Variants in AP1G1 observed in about 807,000 individuals in gnomAD.
AP1G1 encodes the protein AP-1 complex subunit gamma-1.
In AP1G1, 7 loss-of-function variants were observed where a neutral mutation model predicts 108.3. The observed-to-expected ratio is 0.06, with a 90% CI of 0.04 to 0.12. The LOEUF (loss-of-function observed/expected upper bound fraction) is 0.12, where lower values mean the gene tolerates loss of function less well. AP1G1 is among the 10% of genes least tolerant of loss of function. The pLI, the probability that AP1G1 is intolerant of heterozygous loss-of-function variation, is 1.00. For missense variants in AP1G1, 756 were observed against 1,010.7 expected (o/e 0.75, Z 3.42); for synonymous variants, 379 against 353.5 (o/e 1.07, Z -0.81).
intron 15 of AP1G1, among the ~76,000 whole-genome samples, chr16:71,749,020 C>T (rs960003676): frequency 5.9e-5 from 9 of 152,098 alleles, no homozygotes; most frequent in African/African-American, 9.7e-5. Flanking sequence ...CATTCTCCTG[C>T]CTCAGCCTCC....
intron 22 of AP1G1, among the ~76,000 whole-genome samples, chr16:71,734,063 G>A (rs2045503623): frequency 6.6e-6 from 1 of 152,206 alleles, no homozygotes; most frequent in Non-Finnish European, 1.5e-5. Flanking sequence ...AAAGTATACT[G>A]TTACTTATGA....
chr16:71,775,789 A>G (rs2031760173), intron 2 of AP1G1, among the ~76,000 whole-genome samples: 1 of 152,352 alleles, frequency 6.6e-6, no homozygotes, highest in Admixed American at 6.5e-5. Flanking sequence ...CAGAAAAAAC[A>G]AAAAACAGAG....
intron 19 of AP1G1, among the ~76,000 whole-genome samples, chr16:71,741,465 C>A (rs2045620748): frequency 6.6e-6 from 1 of 152,084 alleles, no homozygotes; most frequent in Non-Finnish European, 1.5e-5. Flanking sequence ...CGCCTATAGT[C>A]CCAGCCACTC....
In AP1G1 at chr16:71,734,504, TCTC is replaced by T. The variant is rs969663574; in HGVS notation, c.2367+102_2367+104del. On this transcript the variant is annotated intron_variant, in intron 22 of 22. Transcript: ENST00000299980. ...AGACCAGGCATTTTCATTGATCTCT[TCTC>T]TAACTATGAGTCAGAAAAACCTAAA... is the stretch of plus-strand genomic sequence containing the variant. 4.9e-5 allele frequency: 45 copies of T among 924,572 alleles called. 1 individual carries two copies. The highest frequency in any genetic ancestry group is 3.4e-4 in the African/African-American group (21 of 61,254). The allele number at this position is 924,572 out of a possible 1,614,324, so 57.3% of individuals were successfully genotyped here.
At chr16:71,803,412 T>G (rs142742112) in intron 1 of AP1G1, among the ~76,000 whole-genome samples, 1 of 152,054 alleles carries the variant, frequency 6.6e-6, no homozygotes, top group Non-Finnish European at 1.5e-5. Flanking sequence ...TCCAAGTACC[T>G]AGTGAAAAAA....
At chr16:71,763,699 C>G (rs963233963) in intron 9 of AP1G1, among the ~76,000 whole-genome samples, 1 of 152,092 alleles carries the variant, frequency 6.6e-6, no homozygotes, top group Non-Finnish European at 1.5e-5. Flanking sequence ...GGTTATCTAA[C>G]TAGATACTAT....
chr16:71,753,795 C>T (rs911600397), intron 13 of AP1G1, 38 bp downstream of exon 13: 20 of 1,580,578 alleles, frequency 1.3e-5, no homozygotes, highest in African/African-American at 2.7e-5. Flanking sequence ...CAGTATATCC[C>T]AGCACTTCGT....
chr16:71,800,562 G>A (rs1248719386), intron 1 of AP1G1, among the ~76,000 whole-genome samples: 2 of 151,340 alleles, frequency 1.3e-5, no homozygotes, highest in Non-Finnish European at 2.9e-5. Context: ...AGCACTTTGG[G>A]AGGCCAAGGT....
At chr16:71,744,519 T>C (rs2030058358) in intron 19 of AP1G1, among the ~76,000 whole-genome samples, 1 of 148,526 alleles carries the variant, frequency 6.7e-6, no homozygotes, top group African/African-American at 2.5e-5. Flanking sequence ...CTTGGGACAC[T>C]AAAAGCAAAG....
intron 11 of AP1G1, 72 bp from the exon 12 acceptor site, chr16:71,756,231 CT>C: frequency 7.1e-7 from 1 of 1,408,006 alleles, no homozygotes; most frequent in Non-Finnish European, 9.7e-7. Context: ...CAGGTATGCA[CT>C]CTGTGAACAC....
At position 71,736,264 on chromosome 16, in the gene AP1G1, CACT is replaced by C. The variant is rs567737171; in HGVS notation, c.2269-1560_2269-1558del. 6.4e-3 allele frequency among the ~76,000 whole-genome samples: 954 copies of C among 149,004 alleles called. 11 individuals carry two copies. The highest frequency in any genetic ancestry group is 0.022 in the African/African-American group (908 of 40,872). On this transcript the variant is annotated intron_variant, in intron 21 of 22. Coordinates refer to ENST00000299980, the MANE Select transcript of AP1G1 (RefSeq NM_001128.6). ...TAATTCACACCATTATTTTATGTAC[CACT>C]GAGATAGAAAACATGCTGCCCACTG... is the stretch of plus-strand genomic sequence containing the variant.
intron 13 of AP1G1, chr16:71,750,597 G>A: frequency 6.1e-6 from 2 of 329,978 alleles, no homozygotes; most frequent in East Asian, 7.0e-5. Flanking sequence ...TCTATTTTTA[G>A]TAGAGATGGG....
intron 19 of AP1G1, 81 bp from the exon 20 acceptor site, chr16:71,739,422 G>C: frequency 1.8e-6 from 2 of 1,130,646 alleles, no homozygotes; most frequent in Non-Finnish European, 2.5e-6. Flanking sequence ...AAATTATTTC[G>C]GTCTCAGGTT....
intron 6 of AP1G1, chr16:71,766,332 C>A: frequency 2.7e-6 from 1 of 375,940 alleles, no homozygotes; most frequent in Non-Finnish European, 5.5e-6. Flanking sequence ...TCCTTATAAT[C>A]AGGAATTTCC....
At position 71,732,165 on chromosome 16, in the gene AP1G1, T is replaced by C. The variant is rs920071582; in HGVS notation, c.*893A>G. ...CTTAGGAGCACTTTAAAATTTGTGG[T>C]GGGAATAGGGTCATTAATAACTATG... On this transcript the variant is annotated 3_prime_UTR_variant, in exon 23 of 23. Coordinates refer to ENST00000299980, the MANE Select transcript of AP1G1 (RefSeq NM_001128.6). 1.2e-4 allele frequency: 19 copies of C among 152,176 alleles called. No individual in the cohort carries two copies. Among genetic ancestry groups the C allele is most frequent in the African/African-American group, 3.1e-4 (13 of 41,414 alleles). 9.4% of individuals were successfully genotyped at this position (152,176 alleles called of 1,614,324 possible).
intron 9 of AP1G1, 38 bp from the exon 10 acceptor site, chr16:71,761,605 G>A (rs775404016): frequency 1.3e-6 from 2 of 1,483,754 alleles, no homozygotes; most frequent in Non-Finnish European, 1.9e-6. Context: ...TTAGGAAAAT[G>A]GAAGTTTTAT....
chr16:71,736,855 A>G (rs1030435888), intron 21 of AP1G1, among the ~76,000 whole-genome samples: 2 of 151,546 alleles, frequency 1.3e-5, no homozygotes, highest in Non-Finnish European at 2.9e-5. Flanking sequence ...TCGGCCTCCC[A>G]AAGTGCTGGG....
chr16:71,794,493 A>G (rs2032509846), intron 1 of AP1G1, among the ~76,000 whole-genome samples: 1 of 152,212 alleles, frequency 6.6e-6, no homozygotes. Context: ...AATGTGTTTC[A>G]GTTTTTATTA....
chr16:71,761,072 G>A (rs183690123), intron 10 of AP1G1, among the ~76,000 whole-genome samples: 194 of 152,220 alleles, frequency 1.3e-3, no homozygotes, highest in African/African-American at 4.3e-3. Flanking sequence ...CAGCCCACCT[G>A]TAAAACCCAG....
Sources: allele counts gnomAD v4.1 joint callset (sites outside exome capture counted in the v4.1 genomes callset), GRCh38; gene constraint gnomAD v4.1.1; transcripts MANE v1.5; gene names NCBI Gene and HGNC (gene_info 2026-07-23, HGNC 2026-07-21).